PRELID2: variants seen among roughly 807,000 people sequenced by gnomAD.
PRELID2 encodes PRELI domain containing 2.
A neutral mutation model predicts 28.4 loss-of-function variants in PRELID2; 25 were observed. The observed-to-expected ratio is 0.88, with a 90% CI of 0.64 to 1.23. PRELID2 has a LOEUF of 1.23. Among genes scored for constraint, PRELID2 ranks in the 50% most tolerant of loss-of-function variants. PRELID2 has a pLI of 0.00. For synonymous variants in PRELID2, 76 were observed against 71.6 expected (o/e 1.06, Z -0.31); for missense variants, 201 against 214.4 (o/e 0.94, Z 0.39).
chr5:145,600,308 C>A (rs1246567182), intron 1 of PRELID2, among the ~76,000 whole-genome samples: 3 of 151,052 alleles, frequency 2.0e-5, no homozygotes, highest in African/African-American at 7.3e-5. Context: ...CGAGTAAAAT[C>A]TTTTTATTGC....
chr5:145,262,100 CAGAGCTCAAAG>C, the PRELID2 span, among the ~76,000 whole-genome samples: 1 of 152,030 alleles, frequency 6.6e-6, no homozygotes, highest in East Asian at 1.9e-4. Flanking sequence ...AAGAACTTGG[CAGAGCTCAAAG>C]ACAAGGCTTT....
At chr5:145,655,505 C>G (rs1754377583) in intron 1 of PRELID2, among the ~76,000 whole-genome samples, 1 of 152,172 alleles carries the variant, frequency 6.6e-6, no homozygotes, top group African/African-American at 2.4e-5. Context: ...AACTATACTA[C>G]AAGGCTACAG....
At chr5:145,541,169 G>T (rs7705944) in intron 1 of PRELID2, among the ~76,000 whole-genome samples, 35,902 of 151,906 alleles carry the variant, frequency 0.24, 5,374 homozygotes, top group African/African-American at 0.44. Flanking sequence ...ACAAAAGAAT[G>T]ATGTAGATTT....
chr5:145,238,711 GT>G, the PRELID2 span, among the ~76,000 whole-genome samples: 16 of 151,880 alleles, frequency 1.1e-4, no homozygotes, highest in African/African-American at 3.9e-4. Flanking sequence ...GGTCTCCCCT[GT>G]TATGTCCCCA....
chr5:145,477,837 G>C (rs185296960), intron 1 of PRELID2, among the ~76,000 whole-genome samples: 2 of 151,978 alleles, frequency 1.3e-5, no homozygotes, highest in Admixed American at 1.3e-4. Context: ...AAAAGAATAA[G>C]AAAGAGAAGG....
At chr5:145,594,864 C>G (rs575362059) in intron 1 of PRELID2, among the ~76,000 whole-genome samples, 1 of 152,060 alleles carries the variant, frequency 6.6e-6, no homozygotes, top group African/African-American at 2.4e-5. Flanking sequence ...CGGTGGCTCA[C>G]GCCTATAAAT....
At chr5:145,660,936 A>G (rs1245227415) in intron 1 of PRELID2, among the ~76,000 whole-genome samples, 4 of 152,278 alleles carry the variant, frequency 2.6e-5, no homozygotes, top group Middle Eastern at 3.4e-3. Context: ...ATCGGCAACT[A>G]TAGTATTTCG....
intron 1 of PRELID2, among the ~76,000 whole-genome samples, chr5:145,523,973 A>G (rs771642355): frequency 3.4e-4 from 52 of 152,250 alleles, no homozygotes; most frequent in South Asian, 1.7e-3. Context: ...AGAATTTCAC[A>G]TTTCTTTCTT....
the PRELID2 span, among the ~76,000 whole-genome samples, chr5:145,345,252 C>T: frequency 6.6e-6 from 1 of 151,920 alleles, no homozygotes. Flanking sequence ...GCCCTGGAGA[C>T]ATAAAGGGGA....
chr5:145,489,731 G>A (rs1252637643), intron 1 of PRELID2, among the ~76,000 whole-genome samples: 2 of 152,128 alleles, frequency 1.3e-5, no homozygotes, highest in Non-Finnish European at 2.9e-5. Flanking sequence ...AGGTTACCAG[G>A]CAACAAGCTG....
At chr5:145,370,866 C>A in the PRELID2 span, among the ~76,000 whole-genome samples, 1 of 151,912 alleles carries the variant, frequency 6.6e-6, no homozygotes, top group East Asian at 1.9e-4. Flanking sequence ...GTATTTTATT[C>A]TCTTTGTAGC....
At chr5:145,616,655 T>C (rs1379736952) in intron 1 of PRELID2, among the ~76,000 whole-genome samples, 1 of 152,064 alleles carries the variant, frequency 6.6e-6, no homozygotes, top group Non-Finnish European at 1.5e-5. Context: ...GTCACAGAGA[T>C]CATGTGCTTC....
chr5:145,730,106 G>A (rs1756296009), intron 1 of PRELID2, among the ~76,000 whole-genome samples: 1 of 152,094 alleles, frequency 6.6e-6, no homozygotes, highest in Admixed American at 6.6e-5. Flanking sequence ...TATGCCCTGG[G>A]TTTAGATTAT....
At chr5:145,324,054 T>C in the PRELID2 span, among the ~76,000 whole-genome samples, 1 of 152,266 alleles carries the variant, frequency 6.6e-6, no homozygotes, top group African/African-American at 2.4e-5. Context: ...CTTTCCACAA[T>C]GGCTGAATTA....
At chr5:145,340,033 G>A in the PRELID2 span, among the ~76,000 whole-genome samples, 1 of 152,156 alleles carries the variant, frequency 6.6e-6, no homozygotes, top group African/African-American at 2.4e-5. Flanking sequence ...GCTCACACCT[G>A]AGCATTCCAC....
At chr5:145,629,887 C>T (rs1195375311) in intron 1 of PRELID2, among the ~76,000 whole-genome samples, 1 of 152,084 alleles carries the variant, frequency 6.6e-6, no homozygotes, top group Non-Finnish European at 1.5e-5. Flanking sequence ...GTCTGGAAAA[C>T]ACAGCACATA....
chr5:145,272,834 T>A, the PRELID2 span, among the ~76,000 whole-genome samples: 1 of 152,132 alleles, frequency 6.6e-6, no homozygotes, highest in East Asian at 1.9e-4. Context: ...TCTATAAATT[T>A]TTCGCTTACT....
chr5:145,682,232 A>G (rs932546518), intron 1 of PRELID2, among the ~76,000 whole-genome samples: 1 of 152,240 alleles, frequency 6.6e-6, no homozygotes, highest in African/African-American at 2.4e-5. Context: ...ATCTGTCTTT[A>G]AAAAATTCAG....
chr5:145,819,867 A>C (rs1554099948), intron 3 of PRELID2, 78 bp downstream of exon 3: 1 of 969,438 alleles, frequency 1.0e-6, no homozygotes, highest in African/African-American at 1.6e-5. Flanking sequence ...CCTTTACATC[A>C]GAAAATGCTG....
Sources: allele counts gnomAD v4.1 joint callset (sites outside exome capture counted in the v4.1 genomes callset), GRCh38; gene constraint gnomAD v4.1.1; transcripts MANE v1.5; gene names NCBI Gene and HGNC (gene_info 2026-07-23, HGNC 2026-07-21).